MXRA7: variants seen among roughly 807,000 people sequenced by gnomAD.
MXRA7 encodes the protein matrix remodeling associated 7.
A neutral mutation model predicts 17.4 loss-of-function variants in MXRA7; 18 were observed. The observed-to-expected ratio is 1.03, with a 90% CI of 0.71 to 1.53. The LOEUF (loss-of-function observed/expected upper bound fraction) is 1.53. Among genes scored for constraint, MXRA7 ranks in the 40% most tolerant of loss-of-function variants. The pLI is 0.00. For synonymous variants in MXRA7, 70 were observed against 101.7 expected (o/e 0.69, Z 1.87); for missense variants, 141 against 209.3 (o/e 0.67, Z 2.01).
chr17:76,675,587 GT>G (rs1300165485), downstream of MXRA7: 2 of 152,066 alleles, frequency 1.3e-5, no homozygotes, highest in Non-Finnish European at 2.9e-5. Flanking sequence ...TAGAGACAGG[GT>G]TTTGCCATAT....
At chr17:76,688,056 A>G in intron 2 of MXRA7, 57 bp downstream of exon 2, 1 of 1,541,992 alleles carries the variant, frequency 6.5e-7, no homozygotes. Context: ...CCCCAGCAGG[A>G]CACAGACCAC....
chr17:76,688,504 C>T (rs181105524), intron 1 of MXRA7: 552 of 1,314,610 alleles, frequency 4.2e-4, no homozygotes, highest in African/African-American at 1.7e-3. Context: ...CCCACTGCGA[C>T]GCTGCGGCCA....
At chr17:76,708,440 G>A (rs9892353) in intron 1 of MXRA7, among the ~76,000 whole-genome samples, 19,002 of 152,116 alleles carry the variant, frequency 0.12, 1,576 homozygotes, top group African/African-American at 0.23. Flanking sequence ...GGCTGGCAGA[G>A]GGCATAGCCC....
chr17:76,697,761 G>A lies in MXRA7; in HGVS notation c.343-9585C>T, dbSNP rs144842407. On this transcript the variant is annotated intron_variant, in intron 1 of 3. Transcript: ENST00000449428. ...CCCCGGAGGCCAAGCTGAGGGGCCC[G>A]GCCAGGCTGCAGTAGCTGGGAGACA... 2.2e-3 allele frequency among the ~76,000 whole-genome samples: 333 copies of A among 152,312 alleles called. 3 individuals carry two copies. The highest frequency in any genetic ancestry group is 3.7e-3 in the Non-Finnish European group (250 of 68,030).
At chr17:76,683,876 C>T in intron 3 of MXRA7, 1 of 1,614,146 alleles carries the variant, frequency 6.2e-7, no homozygotes, top group Non-Finnish European at 8.5e-7. Flanking sequence ...ATTTGTGGCT[C>T]AGGACCTAAG....
exon 4 of MXRA7, chr17:76,673,151 T>A (rs2076214882): frequency 6.6e-6 from 1 of 152,200 alleles, no homozygotes; most frequent in Admixed American, 6.5e-5. Flanking sequence ...TGTACCCCAC[T>A]AGTGACTTGG....
downstream of MXRA7, chr17:76,677,608 GCTGCT>G (rs2076250968): frequency 3.7e-6 from 6 of 1,612,054 alleles, no homozygotes; most frequent in Non-Finnish European, 5.1e-6. Flanking sequence ...TAGAGCCGGA[GCTGCT>G]CCTGCACGTC....
chr17:76,683,530 C>T (rs973005124), intron 3 of MXRA7, among the ~76,000 whole-genome samples: 5 of 152,164 alleles, frequency 3.3e-5, no homozygotes, highest in Admixed American at 6.5e-5. Context: ...TCCACATTTC[C>T]GAAGCCTGAG....
In MXRA7 at chr17:76,680,105, T is replaced by C. The variant is rs2076281197; in HGVS notation, c.*762A>G. On this transcript the variant is annotated 3_prime_UTR_variant, in exon 4 of 4. Coordinates refer to ENST00000449428, the MANE Select transcript of MXRA7 (RefSeq NM_198530.4). ...GTTCTAACTAATCTATCAAACTTTC[T>C]AAGAAAAGGCATAGGTCAAGAAATC... The C allele has an allele frequency of 1.1e-6, 1 of 945,170 alleles. No individual in the cohort carries two copies. Among genetic ancestry groups the C allele is most frequent in the Non-Finnish European group, 1.3e-6 (1 of 796,590 alleles). 58.5% of individuals were successfully genotyped at this position (945,170 alleles called of 1,614,324 possible).
At chr17:76,692,760 C>T (rs1209671425) in intron 1 of MXRA7, among the ~76,000 whole-genome samples, 5 of 152,010 alleles carry the variant, frequency 3.3e-5, no homozygotes, top group Non-Finnish European at 7.4e-5. Flanking sequence ...TTTAAAATAC[C>T]TTGATATCTC....
chr17:76,675,909 CT>C (rs11327985), downstream of MXRA7: 134,734 of 152,014 alleles, frequency 0.89, 60,148 homozygotes, highest in East Asian at 1. Flanking sequence ...CACTGCTCCA[CT>C]TTTTTTTTAA....
chr17:76,698,718 T>G (rs947066507), intron 1 of MXRA7, among the ~76,000 whole-genome samples: 1 of 136,450 alleles, frequency 7.3e-6, no homozygotes, highest in Non-Finnish European at 1.6e-5. Flanking sequence ...TTCTGTTTTT[T>G]TTTTTTTTTT....
At chr17:76,708,828 G>A (rs1567992231) in intron 1 of MXRA7, among the ~76,000 whole-genome samples, 1 of 152,136 alleles carries the variant, frequency 6.6e-6, no homozygotes, top group South Asian at 2.1e-4. Flanking sequence ...CTCCTGTGGG[G>A]TGGGTTCTCT....
downstream of MXRA7, chr17:76,677,711 A>C: frequency 1.2e-6 from 2 of 1,603,670 alleles, no homozygotes; most frequent in Non-Finnish European, 1.7e-6. Flanking sequence ...CTCTGTCGAG[A>C]AGAAAGGACA....
intron 1 of MXRA7, chr17:76,690,362 T>A (rs751835973): frequency 5.3e-5 from 8 of 151,982 alleles, no homozygotes; most frequent in Non-Finnish European, 7.4e-5. Flanking sequence ...GACAGTCAGA[T>A]CCAAAGACCC....
chr17:76,684,778 C>T, intron 3 of MXRA7: 2 of 285,006 alleles, frequency 7.0e-6, no homozygotes, highest in South Asian at 5.9e-5. Flanking sequence ...TAGATGGGGG[C>T]AGTGGGGTGT....
At chr17:76,684,038 GC>G (rs2076351055) in intron 3 of MXRA7, 5 of 852,630 alleles carry the variant, frequency 5.9e-6, no homozygotes, top group Non-Finnish European at 4.0e-6. Context: ...TACACTGCCC[GC>G]CCCCCACCCA....
downstream of MXRA7, chr17:76,677,008 ATT>A (rs1476332887): frequency 2.0e-5 from 3 of 151,874 alleles, no homozygotes; most frequent in Admixed American, 1.3e-4. Flanking sequence ...AGAGTGTAGT[ATT>A]GGCCGGGCAT....
chr17:76,701,473 C>G (rs765480204), intron 1 of MXRA7, among the ~76,000 whole-genome samples: 1 of 151,922 alleles, frequency 6.6e-6, no homozygotes, highest in African/African-American at 2.4e-5. Flanking sequence ...CCAGGGAGCT[C>G]AGGGGAGGCG....
Sources: allele counts gnomAD v4.1 joint callset (sites outside exome capture counted in the v4.1 genomes callset), GRCh38; gene constraint gnomAD v4.1.1; transcripts MANE v1.5; gene names NCBI Gene and HGNC (gene_info 2026-07-23, HGNC 2026-07-21).